The following RAB31 variants were observed in gnomAD, a reference collection of about 807,000 sequenced individuals.
RAB31 encodes the protein RAB31, member RAS oncogene family.
RAB31 carries 21 observed loss-of-function variants against 25.6 expected under a neutral mutation model. The observed-to-expected ratio is 0.82, with a 90% CI of 0.58 to 1.18. The LOEUF (loss-of-function observed/expected upper bound fraction) is 1.18, where lower values mean the gene tolerates loss of function less well. Among genes scored for constraint, RAB31 ranks in the 50% most tolerant of loss-of-function variants. RAB31 has a pLI of 0.00. For synonymous variants in RAB31, 87 were observed against 84.0 expected, an observed-to-expected ratio of 1.04 and a Z score of -0.20; for missense variants, 196 against 250.1, an observed-to-expected ratio of 0.78 and a Z score of 1.46.
intron 1 of RAB31, among the ~76,000 whole-genome samples, chr18:9,711,518 G>T (rs1282861895): frequency 6.6e-6 from 1 of 152,236 alleles, no homozygotes; most frequent in Non-Finnish European, 1.5e-5. Context: ...GACCACAGGT[G>T]TGTACCACCC....
chr18:9,829,183 C>G (rs1426985176), intron 5 of RAB31, among the ~76,000 whole-genome samples: 3 of 152,176 alleles, frequency 2.0e-5, no homozygotes, highest in Non-Finnish European at 2.9e-5. Flanking sequence ...CAATCGTATC[C>G]TCTTCTCTCC....
In RAB31 at chr18:9,774,132, G is replaced by A. The variant is rs556829600; in HGVS notation, c.40-1146G>A. ...GTAAGTTGAAAGCTCTGTTTGTATT[G>A]GGGCTTGTCAACTGCTGCACACATG... On this transcript the variant is annotated intron_variant, in intron 1 of 6. Transcript: ENST00000578921. 2.0e-5 allele frequency among the ~76,000 whole-genome samples: 3 copies of A among 152,210 alleles called. No individual in the cohort carries two copies. The South Asian group carries it at 6.2e-4, about 32-fold the overall frequency.
chr18:9,736,452 T>A (rs1483446907), intron 1 of RAB31, among the ~76,000 whole-genome samples: 1 of 152,118 alleles, frequency 6.6e-6, no homozygotes, highest in Non-Finnish European at 1.5e-5. Context: ...GTGCAGGGAC[T>A]TTCTCTGGTG....
At chr18:9,801,108 G>T (rs1373600288) in intron 3 of RAB31, among the ~76,000 whole-genome samples, 1 of 152,140 alleles carries the variant, frequency 6.6e-6, no homozygotes, top group East Asian at 1.9e-4. Flanking sequence ...GATTATCAAG[G>T]TTCACCTTGT....
chr18:9,742,952 T>C (rs2068187398), intron 1 of RAB31, among the ~76,000 whole-genome samples: 1 of 152,186 alleles, frequency 6.6e-6, no homozygotes, highest in Non-Finnish European at 1.5e-5. Context: ...AAGTCGCAAA[T>C]GAAATACAGT....
At chr18:9,802,107 A>G (rs1046851326) in intron 3 of RAB31, among the ~76,000 whole-genome samples, 1 of 152,220 alleles carries the variant, frequency 6.6e-6, no homozygotes, top group Non-Finnish European at 1.5e-5. Context: ...AAATTGGAAA[A>G]TGTGAGTTCT....
intron 1 of RAB31, among the ~76,000 whole-genome samples, chr18:9,720,856 A>G (rs12961459): frequency 0.42 from 63,145 of 151,898 alleles, 13,699 homozygotes; most frequent in East Asian, 0.76. Context: ...AAGTGACTCT[A>G]GGTCCGATTA....
At chr18:9,748,571 C>G (rs907284942) in intron 1 of RAB31, among the ~76,000 whole-genome samples, 1 of 145,812 alleles carries the variant, frequency 6.9e-6, no homozygotes, top group Non-Finnish European at 1.5e-5. Flanking sequence ...CCTAATTCCT[C>G]TACTTAGATC....
chr18:9,726,475 G>A (rs1015679798), intron 1 of RAB31, among the ~76,000 whole-genome samples: 1 of 152,144 alleles, frequency 6.6e-6, no homozygotes. Context: ...GACAGTTTGC[G>A]TAGATAATGC....
chr18:9,795,882 C>T (rs116585201), intron 3 of RAB31, among the ~76,000 whole-genome samples: 2,544 of 152,232 alleles, frequency 0.017, 67 homozygotes, highest in African/African-American at 0.058. Flanking sequence ...CCCACTCCTG[C>T]GTATCAACCC....
chr18:9,857,263 C>G (rs749083727), intron 6 of RAB31, among the ~76,000 whole-genome samples: 1 of 147,680 alleles, frequency 6.8e-6, no homozygotes, highest in South Asian at 2.2e-4. Flanking sequence ...ACTGTCTATA[C>G]CATCTGATCT....
At chr18:9,736,462 G>A (rs1599018038) in intron 1 of RAB31, among the ~76,000 whole-genome samples, 1 of 152,060 alleles carries the variant, frequency 6.6e-6, no homozygotes, top group African/African-American at 2.4e-5. Flanking sequence ...TTTCTCTGGT[G>A]ACTGTGGGGA....
At position 9,762,694 on chromosome 18, in the gene RAB31, G is replaced by A. The variant is rs180704808; in HGVS notation, c.40-12584G>A. Among the ~76,000 whole-genome samples, 12 of 152,226 alleles carry A rather than the reference G, an allele frequency of 7.9e-5. 1 individual carries two copies. Among genetic ancestry groups the A allele is most frequent in the East Asian group, 5.8e-4 (3 of 5,182 alleles). On this transcript the variant is annotated intron_variant, in intron 1 of 6. Transcript: ENST00000578921. ...GCTGTGGGGCTATTATAAGAAAAAC[G>A]GAACTGAAGGAGTTATGGAACTTGC...
intron 1 of RAB31, among the ~76,000 whole-genome samples, chr18:9,709,206 C>T (rs939863559): frequency 1.3e-5 from 2 of 152,200 alleles, no homozygotes; most frequent in Non-Finnish European, 2.9e-5. Flanking sequence ...ATCCGTGCGG[C>T]CCGGGGACTG....
At chr18:9,848,751 A>G (rs1238397648) in intron 6 of RAB31, among the ~76,000 whole-genome samples, 1 of 152,240 alleles carries the variant, frequency 6.6e-6, no homozygotes, top group Admixed American at 6.5e-5. Flanking sequence ...TGAAAATAAA[A>G]GCCCTTTAAA....
At chr18:9,717,928 G>T (rs1254636148) in intron 1 of RAB31, among the ~76,000 whole-genome samples, 3 of 151,960 alleles carry the variant, frequency 2.0e-5, no homozygotes, top group Non-Finnish European at 4.4e-5. Flanking sequence ...TTTGAGACCG[G>T]GTCTTGCCCA....
chr18:9,787,268 T>TATTTC (rs1392753651), intron 2 of RAB31: 5 of 218,204 alleles, frequency 2.3e-5, no homozygotes, highest in Middle Eastern at 5.0e-4. Context: ...ACCTTACAAA[T>TATTTC]GAAATGAGTG....
intron 1 of RAB31, among the ~76,000 whole-genome samples, chr18:9,724,495 G>C (rs944234258): frequency 2.6e-5 from 4 of 152,086 alleles, no homozygotes; most frequent in Non-Finnish European, 5.9e-5. Context: ...CACTCTACTT[G>C]TGCCTTCTTT....
intron 1 of RAB31, among the ~76,000 whole-genome samples, chr18:9,762,850 T>A (rs769866492): frequency 3.3e-5 from 5 of 152,068 alleles, no homozygotes; most frequent in Non-Finnish European, 7.4e-5. Context: ...GCACTTTGGT[T>A]TTTTGCTCCT....
Sources: gnomAD v4.1 joint callset for allele counts (sites outside exome capture counted in the v4.1 genomes callset) on GRCh38, gnomAD v4.1.1 for gene constraint, MANE v1.5 for transcripts, NCBI Gene and HGNC (gene_info 2026-07-23, HGNC 2026-07-21) for gene names.